The following KIF26A variants were observed in gnomAD, a reference collection of about 807,000 sequenced individuals.
KIF26A encodes kinesin-like protein KIF26A.
Under a neutral mutation model 126.0 loss-of-function variants are expected in KIF26A, and 74 were observed. That is an observed-to-expected ratio of 0.59 (90% CI 0.49 to 0.71). The LOEUF is 0.71. KIF26A is among the 30% of genes least tolerant of loss of function. KIF26A has a pLI of 0.00. For missense variants in KIF26A, 2,984 were observed against 2,763.3 expected, an observed-to-expected ratio of 1.08 and a Z score of -1.79; for synonymous variants, 1,445 against 1,232.7, an observed-to-expected ratio of 1.17 and a Z score of -3.61.
At chr14:104,161,933 G>A (rs998669309) in intron 4 of KIF26A, among the ~76,000 whole-genome samples, 1 of 152,232 alleles carries the variant, frequency 6.6e-6, no homozygotes, top group African/African-American at 2.4e-5. Context: ...AGTGTTGGGT[G>A]TGGGCAGTGT....
chr14:104,138,808 C>G, intron 1 of KIF26A, 44 bp downstream of exon 1: 9 of 1,258,782 alleles, frequency 7.1e-6, no homozygotes, highest in Non-Finnish European at 8.0e-6. Context: ...CGGCGGGGGC[C>G]CGGGACGGCG....
chr14:104,179,281 C>T lies in KIF26A; in HGVS notation c.5362C>T (p.Gln1788Ter), dbSNP rs1411843846. Residue 1788 changes from glutamine (Q) to a stop codon, truncating the protein, a stop_gained, in exon 14 of 15, where the codon CAG becomes TAG. Transcript: ENST00000423312. LOFTEE classifies it high-confidence loss of function. ...AAGGCTGCGGCTGGCGGAGCGCAGG[C>T]AGCAGCGGCTGCGGGAGGTGCAGGC... The part of the protein sequence containing the change: ...STRLRLAERR[Q>*]QRLREVQAKH... The T allele has an allele frequency of 2.0e-6, 3 of 1,530,900 alleles. No individual in the cohort carries two copies. Among genetic ancestry groups the T allele is most frequent in the Non-Finnish European group, 2.6e-6 (3 of 1,142,954 alleles). 94.8% of individuals were successfully genotyped at this position (1,530,900 alleles called of 1,614,324 possible).
chr14:104,178,737 G>A lies in KIF26A; in HGVS notation c.5298G>A (p.Pro1766=), dbSNP rs578171160. The change falls in exon 13 of 15, where the codon CCG becomes CCA. Residue 1766 remains proline (P), a synonymous_variant. Coordinates refer to ENST00000423312, the MANE Select transcript of KIF26A (RefSeq NM_015656.2). The stretch of plus-strand genomic sequence containing the variant: ...GCCTTCAGCGGCCCCGCCCCACCCC[G>A]AGGGAGGCCCCCACCCAGGTAGGGC... ...VERLQRPRPT[P]REAPTQGLAC... 9.1e-6 allele frequency: 14 copies of A among 1,540,060 alleles called. No homozygotes were observed. The highest frequency in any genetic ancestry group is 1.9e-4 in the Middle Eastern group (1 of 5,396).
chr14:104,172,685 C>T lies in KIF26A; in HGVS notation c.1420+17C>T. 1 of 1,583,388 alleles carries T rather than the reference C, an allele frequency of 6.3e-7. No homozygotes were observed. Among genetic ancestry groups the T allele is most frequent in the South Asian group, 1.1e-5 (1 of 89,688 alleles). On this transcript the variant is annotated intron_variant, in intron 7 of 14. Coordinates refer to ENST00000423312, the MANE Select transcript of KIF26A (RefSeq NM_015656.2). The stretch of plus-strand genomic sequence containing the variant: ...TGAGCCTGGGTAAGCACCCTTGCCC[C>T]ACCCTAGATGGGTCCTGCTGGCCAC...
intron 3 of KIF26A, among the ~76,000 whole-genome samples, chr14:104,156,642 C>T (rs746487810): frequency 2.0e-5 from 3 of 152,142 alleles, no homozygotes; most frequent in Non-Finnish European, 4.4e-5. Context: ...GCAGGGTGAG[C>T]CCTCCATGGT....
intron 12 of KIF26A, 36 bp from the exon 13 acceptor site, chr14:104,178,514 G>C: frequency 7.1e-7 from 1 of 1,403,978 alleles, no homozygotes; most frequent in Non-Finnish European, 9.3e-7. Context: ...GCTGGGCCCC[G>C]CCTCTGTTCA....
Position 104,148,427 on chromosome 14 carries a change from TGGAGGCCTG to T in KIF26A, c.289-3585_289-3577del, listed in dbSNP as rs2037699085. Among the ~76,000 whole-genome samples the T allele has an allele frequency of 6.6e-6, 1 of 152,102 alleles. No individual in the cohort carries two copies. The highest frequency in any genetic ancestry group is 1.5e-5 in the Non-Finnish European group (1 of 68,008). On this transcript the variant is annotated intron_variant, in intron 2 of 14. Transcript: ENST00000423312. The surrounding 1 kb of genome is among the most constrained non-coding windows in gnomAD (Gnocchi z 4.3). ...CTGTCTTCCTCAAGACACCAGGCTG[TGGAGGCCTG>T]GGTGACAGGCGGGCCTGCTGGCTGG...
chr14:104,180,738 CGAG>C lies in KIF26A; in HGVS notation c.*950_*952del, dbSNP rs911327038. The C allele has an allele frequency of 3.2e-5, 5 of 154,188 alleles. No individual in the cohort carries two copies. Among genetic ancestry groups the C allele is most frequent in the Non-Finnish European group, 7.3e-5 (5 of 68,194 alleles). The allele number at this position is 154,188 out of a possible 1,614,324, so 9.6% of individuals were successfully genotyped here. ...GGAGGCGCTTCTTGCCAAATGCAGACGAGGGGTGAGCCTGCCAGCGTTTGCGAC... is the reference window on the plus strand; with the variant it reads ...GGAGGCGCTTCTTGCCAAATGCAGACGGGTGAGCCTGCCAGCGTTTGCGAC... On this transcript the variant is annotated 3_prime_UTR_variant, in exon 15 of 15. Coordinates refer to ENST00000423312, the MANE Select transcript of KIF26A (RefSeq NM_015656.2).
At chr14:104,146,708 C>T (rs537462988) in intron 2 of KIF26A, among the ~76,000 whole-genome samples, 4 of 152,278 alleles carry the variant, frequency 2.6e-5, no homozygotes, top group South Asian at 2.1e-4. Context: ...GGCATCCGGA[C>T]GGCTCCTGGG....
In KIF26A at chr14:104,175,554, C is replaced by G; in HGVS notation, c.2766C>G (p.Asp922Glu). 1 of 1,604,526 alleles carries G rather than the reference C, an allele frequency of 6.2e-7. No individual in the cohort carries two copies. Among genetic ancestry groups the G allele is most frequent in the Non-Finnish European group, 8.5e-7 (1 of 1,179,030 alleles). Residue 922 changes from aspartate to glutamate, a missense_variant, in exon 12 of 15, where the codon GAC becomes GAG. Transcript: ENST00000423312. ...CCTGCAAGGCCATTGTCTGGGGTGACCAGAGAGAGGACAGCAGCGCTTGGC... is the reference window on the plus strand; with the variant it reads ...CCTGCAAGGCCATTGTCTGGGGTGAGCAGAGAGAGGACAGCAGCGCTTGGC... ...PEPCKAIVWGDQREDSSAWPE... is the reference protein window; with the variant it reads ...PEPCKAIVWGEQREDSSAWPE...
Position 104,175,383 on chromosome 14 carries a change from C to A in KIF26A, c.2595C>A (p.Asp865Glu). Residue 865 changes from aspartate (D) to glutamate (E), a missense_variant, in exon 12 of 15, where the codon GAC becomes GAA. By Grantham distance (45) the Asp-to-Glu change is conservative. Coordinates refer to ENST00000423312, the MANE Select transcript of KIF26A (RefSeq NM_015656.2). The part of the protein sequence containing the change: ...EGPSGGPGGT[D>E]GAQASPARGG... ...CCTCAGGAGGTCCAGGTGGCACCGA[C>A]GGAGCTCAGGCCAGCCCCGCCCGAG... 1 of 1,598,286 alleles carries A rather than the reference C, an allele frequency of 6.3e-7. No individual in the cohort carries two copies. Among genetic ancestry groups the A allele is most frequent in the Non-Finnish European group, 8.5e-7 (1 of 1,177,054 alleles).
chr14:104,176,038 G>A lies in KIF26A; in HGVS notation c.3250G>A (p.Asp1084Asn). The change falls in exon 12 of 15, where the codon GAC becomes AAC. Residue 1084 changes from aspartate (D) to asparagine (N), a missense_variant. By Grantham distance (23) the Asp-to-Asn change is conservative (BLOSUM62 1). Coordinates refer to ENST00000423312, the MANE Select transcript of KIF26A (RefSeq NM_015656.2). The stretch of plus-strand genomic sequence containing the variant: ...CATCAGCAGCATCAATGATGAGTTT[G>A]ACGCCTACACCTCTCAGGCCCCTGA... ...SIISSINDEF[D>N]AYTSQAPEGG... 3.1e-6 allele frequency: 5 copies of A among 1,595,186 alleles called. No homozygotes were observed. The highest frequency in any genetic ancestry group is 4.3e-6 in the Non-Finnish European group (5 of 1,175,626).
chr14:104,166,060 G>A (rs755807559), intron 4 of KIF26A, among the ~76,000 whole-genome samples: 1 of 151,644 alleles, frequency 6.6e-6, no homozygotes, highest in Admixed American at 6.6e-5. Flanking sequence ...CCCACCCCTG[G>A]CGGTGCTGGG....
chr14:104,163,698 C>T (rs946902008), intron 4 of KIF26A, among the ~76,000 whole-genome samples: 8 of 151,870 alleles, frequency 5.3e-5, no homozygotes, highest in African/African-American at 1.5e-4. Context: ...GAACCCCGAG[C>T]ATGCGCGGCA....
At position 104,138,701 on chromosome 14, in the gene KIF26A, G is replaced by A. The variant is rs1352273170; in HGVS notation, c.-22G>A. 8 of 1,268,672 alleles carry A rather than the reference G, an allele frequency of 6.3e-6. No homozygotes were observed. The highest frequency in any genetic ancestry group is 7.9e-6 in the Non-Finnish European group (8 of 1,007,024). The allele number at this position is 1,268,672 out of a possible 1,614,324, so 78.6% of individuals were successfully genotyped here. ...GCCAGCGTGGCCGGGAGCGCCTGCC[G>A]GGCTCTTCCCGCGCCCCGGCCATGG... On this transcript the variant is annotated 5_prime_UTR_variant, in exon 1 of 15. Coordinates refer to ENST00000423312, the MANE Select transcript of KIF26A (RefSeq NM_015656.2).
At chr14:104,174,373 C>T (rs759165308) in intron 11 of KIF26A, 63 bp downstream of exon 11, 1 of 1,414,970 alleles carries the variant, frequency 7.1e-7, no homozygotes, top group African/African-American at 1.5e-5. Flanking sequence ...CCACTGCAGG[C>T]CTCTGCTGGC....
intron 2 of KIF26A, among the ~76,000 whole-genome samples, chr14:104,145,618 A>AC (rs80274876): frequency 3.6e-3 from 1 of 276 alleles, no homozygotes; most frequent in African/African-American, 0.013. Flanking sequence ...TTTCTGGCGG[A>AC]GGTGCCGCAT....
chr14:104,149,272 G>A (rs1310153836), intron 2 of KIF26A, among the ~76,000 whole-genome samples: 3 of 152,146 alleles, frequency 2.0e-5, no homozygotes, highest in Admixed American at 6.5e-5. Context: ...GGGGTTGGGT[G>A]GTGAGAGTCC....
chr14:104,138,728 C>A lies in KIF26A; in HGVS notation c.6C>A (p.Val2=), dbSNP rs1217806779. The change falls in exon 1 of 15, where the codon GTC becomes GTA. Residue 2 remains valine (V), a synonymous_variant. Coordinates refer to ENST00000423312, the MANE Select transcript of KIF26A (RefSeq NM_015656.2). ...GCTCTTCCCGCGCCCCGGCCATGGTCGGCCGCGGCGTCCCTCTGTGCGCTG... is the reference window on the plus strand; with the variant it reads ...GCTCTTCCCGCGCCCCGGCCATGGTAGGCCGCGGCGTCCCTCTGTGCGCTG... M[V]GRGVPLCAAQ... is the part of the protein sequence containing the mutation. 7.9e-7 allele frequency: 1 copy of A among 1,268,012 alleles called. No homozygotes were observed. Among genetic ancestry groups the A allele is most frequent in the Non-Finnish European group, 9.9e-7 (1 of 1,009,000 alleles). 78.5% of individuals were successfully genotyped at this position (1,268,012 alleles called of 1,614,324 possible).
Sources: allele counts gnomAD v4.1 joint callset (sites outside exome capture counted in the v4.1 genomes callset), GRCh38; gene constraint gnomAD v4.1.1; non-coding constraint Gnocchi (gnomAD v3.1); transcripts MANE v1.5; gene names NCBI Gene and HGNC (gene_info 2026-07-23, HGNC 2026-07-21).